The following TRAPPC9 variants were observed in gnomAD, a reference collection of about 807,000 sequenced individuals.
The protein encoded by TRAPPC9 is IKK2 binding protein.
A neutral mutation model predicts 124.0 loss-of-function variants in TRAPPC9; 83 were observed. That is an observed-to-expected ratio of 0.67 (90% CI 0.56 to 0.80). The LOEUF is 0.80. Ranked by LOEUF, TRAPPC9 falls within the 30% of genes least tolerant of loss-of-function variation. The pLI is 0.00. For missense variants in TRAPPC9, 1,302 were observed against 1,508.3 expected, an observed-to-expected ratio of 0.86 and a Z score of 2.27; for synonymous variants, 638 against 617.5, an observed-to-expected ratio of 1.03 and a Z score of -0.49.
chr8:140,261,068 G>T (rs949733476), intron 15 of TRAPPC9, among the ~76,000 whole-genome samples: 1 of 152,150 alleles, frequency 6.6e-6, no homozygotes, highest in Non-Finnish European at 1.5e-5. Flanking sequence ...ATCCCAAGAC[G>T]CCCTGTCAGT....
intron 17 of TRAPPC9, among the ~76,000 whole-genome samples, chr8:140,068,071 C>T (rs55836348): frequency 0.15 from 22,878 of 151,992 alleles, 2,090 homozygotes; most frequent in African/African-American, 0.26. Flanking sequence ...TATGTGTATG[C>T]GGGTGGGTGG....
chr8:140,013,025 C>A lies in TRAPPC9; in HGVS notation c.2699+10912G>T, dbSNP rs74739982. 7.8e-3 allele frequency among the ~76,000 whole-genome samples: 1,195 copies of A among 152,298 alleles called. 9 individuals carry two copies. Among genetic ancestry groups the A allele is most frequent in the Middle Eastern group, 0.014 (4 of 294 alleles). ...CTTTACACACACTGAGACGACAGCG[C>A]CTCAACACCTACATGCACAGGGCTG... On this transcript the variant is annotated intron_variant, in intron 18 of 22. Transcript: ENST00000438773.
In TRAPPC9 at chr8:140,020,274, G is replaced by A. The variant is rs1839754900; in HGVS notation, c.2699+3663C>T. On this transcript the variant is annotated intron_variant, in intron 18 of 22. Coordinates refer to ENST00000438773, the MANE Select transcript of TRAPPC9 (RefSeq NM_001160372.4). ...TCTATTATTTCTTCTGCTTACTCTA[G>A]GTACATTTTGCTATCCTTATCTAAT... Among the ~76,000 whole-genome samples, 3 of 151,978 alleles carry A rather than the reference G, an allele frequency of 2.0e-5. No homozygotes were observed. In the South Asian group the frequency reaches 6.2e-4, roughly 32 times the overall value.
intron 21 of TRAPPC9, among the ~76,000 whole-genome samples, chr8:139,790,094 G>A (rs979302147): frequency 5.9e-5 from 9 of 152,196 alleles, no homozygotes; most frequent in Non-Finnish European, 1.0e-4. Flanking sequence ...ATGCATCTGC[G>A]GAACATGCTC....
chr8:139,797,688 T>C (rs977437689), intron 21 of TRAPPC9, among the ~76,000 whole-genome samples: 1 of 152,270 alleles, frequency 6.6e-6, no homozygotes, highest in East Asian at 1.9e-4. Context: ...CATAGTTAGA[T>C]ATTTGATCAA....
At chr8:140,003,133 TTTTAAAA>T (rs1483397229) in intron 18 of TRAPPC9, among the ~76,000 whole-genome samples, 2 of 152,200 alleles carry the variant, frequency 1.3e-5, no homozygotes, top group Non-Finnish European at 2.9e-5. Flanking sequence ...CTATAATATA[TTTTAAAA>T]ACTTTTGAAA....
At chr8:140,388,125 A>C (rs1473043785) in intron 7 of TRAPPC9, among the ~76,000 whole-genome samples, 3 of 151,200 alleles carry the variant, frequency 2.0e-5, no homozygotes, top group South Asian at 4.2e-4. Context: ...TCGCAAGGAC[A>C]AAAAAACAAA....
chr8:139,730,842 G>A lies in TRAPPC9; in HGVS notation c.*219C>T, dbSNP rs1817766777. On this transcript the variant is annotated 3_prime_UTR_variant, in exon 23 of 23. Coordinates refer to ENST00000438773, the MANE Select transcript of TRAPPC9 (RefSeq NM_001160372.4). The stretch of plus-strand genomic sequence containing the variant: ...GCCTGTGTATGGTCCAGGGAACAGT[G>A]TAGGAAGGGGCGTGGCATGGGGTGG... 3.3e-6 allele frequency: 2 copies of A among 597,168 alleles called. No individual in the cohort carries two copies. The highest frequency in any genetic ancestry group is 5.9e-6 in the Non-Finnish European group (2 of 336,904). The allele number at this position is 597,168 out of a possible 1,614,324, so 37.0% of individuals were successfully genotyped here. A position where few individuals can be genotyped will look rare whatever the true frequency, so the allele number is the denominator to read the frequency against.
At chr8:140,043,655 A>G (rs1019189968) in intron 17 of TRAPPC9, among the ~76,000 whole-genome samples, 1 of 152,122 alleles carries the variant, frequency 6.6e-6, no homozygotes, top group African/African-American at 2.4e-5. Flanking sequence ...TTGCTTGAAC[A>G]CCTAGATCGC....
intron 13 of TRAPPC9, among the ~76,000 whole-genome samples, chr8:140,284,252 C>T (rs971130884): frequency 6.6e-6 from 1 of 152,208 alleles, no homozygotes; most frequent in East Asian, 1.9e-4. Flanking sequence ...ACAAGGCTGG[C>T]TGGGCCCAAA....
intron 17 of TRAPPC9, among the ~76,000 whole-genome samples, chr8:140,034,901 T>TAAGAAAGGCTAA (rs1008520617): frequency 1.3e-5 from 2 of 152,244 alleles, no homozygotes; most frequent in African/African-American, 4.8e-5. Context: ...AGAAGGAGAC[T>TAAGAAAGGCTAA]GTGAGCAGAA....
chr8:139,841,445 T>C (rs2130888024), intron 21 of TRAPPC9, among the ~76,000 whole-genome samples: 1 of 152,190 alleles, frequency 6.6e-6, no homozygotes. Context: ...TGCTGCGCTG[T>C]TTCTTCCCTG....
chr8:140,405,138 A>C (rs1318659505), intron 6 of TRAPPC9, among the ~76,000 whole-genome samples: 1 of 152,226 alleles, frequency 6.6e-6, no homozygotes, highest in African/African-American at 2.4e-5. Flanking sequence ...AACTAAAAAG[A>C]AGGGTGCCTC....
At chr8:140,128,637 G>A (rs1023884488) in intron 17 of TRAPPC9, among the ~76,000 whole-genome samples, 5 of 152,232 alleles carry the variant, frequency 3.3e-5, no homozygotes, top group African/African-American at 1.2e-4. Flanking sequence ...TGATCCCGTG[G>A]GGTGGGGATT....
intron 21 of TRAPPC9, among the ~76,000 whole-genome samples, chr8:139,823,326 G>A (rs543132508): frequency 3.3e-5 from 5 of 151,992 alleles, no homozygotes; most frequent in African/African-American, 1.2e-4. Context: ...GAAGCAGGTG[G>A]GGACCGAGAG....
intron 19 of TRAPPC9, among the ~76,000 whole-genome samples, chr8:139,918,254 C>T (rs971228219): frequency 1.3e-5 from 2 of 152,232 alleles, no homozygotes; most frequent in East Asian, 1.9e-4. Flanking sequence ...CATCAGGAAA[C>T]GGTGGCCTCT....
chr8:140,450,985 G>A lies in TRAPPC9; in HGVS notation c.389C>T (p.Thr130Ile). ...GTAGTTGGGGTAGAAAGCCACGTCG[G>A]TGCGCGGCTGCTCCACGATCTCCCC... ...LQGEIVEQPR[T>I]DVAFYPNYED... Residue 130 changes from threonine (T) to isoleucine (I), a missense_variant, in exon 2 of 23, where the codon ACC becomes ATC. Thr to Ile is a moderately conservative substitution (Grantham distance 89). Transcript: ENST00000438773. The A allele has an allele frequency of 6.2e-7, 1 of 1,614,144 alleles. No homozygotes were observed. The highest frequency in any genetic ancestry group is 8.5e-7 in the Non-Finnish European group (1 of 1,180,038).
intron 17 of TRAPPC9, among the ~76,000 whole-genome samples, chr8:140,148,235 A>G (rs2061491353): frequency 6.6e-6 from 1 of 152,228 alleles, no homozygotes; most frequent in South Asian, 2.1e-4. Context: ...CACCCAGATC[A>G]TTTTAATAAA....
chr8:139,823,875 C>CAGAAG (rs1825439199), intron 21 of TRAPPC9, among the ~76,000 whole-genome samples: 1 of 152,226 alleles, frequency 6.6e-6, no homozygotes, highest in Non-Finnish European at 1.5e-5. Flanking sequence ...CAAGCCCACA[C>CAGAAG]CTGCTCCCTC....
Sources: gnomAD v4.1 joint callset for allele counts (sites outside exome capture counted in the v4.1 genomes callset) on GRCh38, gnomAD v4.1.1 for gene constraint, MANE v1.5 for transcripts, NCBI Gene and HGNC (gene_info 2026-07-23, HGNC 2026-07-21) for gene names.